BOLL: variants seen among roughly 807,000 people sequenced by gnomAD.
BOLL encodes protein boule-like.
BOLL carries 23 observed loss-of-function variants against 44.4 expected under a neutral mutation model. The ratio of observed to expected loss-of-function variants is 0.52; its 90% CI spans 0.37 to 0.73. The LOEUF is 0.73. BOLL is among the 30% of genes least tolerant of loss of function. The probability of loss-of-function intolerance (pLI) is 0.00; values close to 1 mark genes in which losing one functional copy is unlikely to be tolerated. For missense variants in BOLL, 287 were observed against 338.3 expected (o/e 0.85, Z 1.19); for synonymous variants, 97 against 110.8 (o/e 0.88, Z 0.78).
intron 9 of BOLL, among the ~76,000 whole-genome samples, chr2:197,749,524 T>C (rs561143947): frequency 6.6e-6 from 1 of 151,776 alleles, no homozygotes; most frequent in South Asian, 2.1e-4. Flanking sequence ...GAATAGCTAG[T>C]TTAGAGAAAA....
intron 6 of BOLL, 128 bp from the exon 7 acceptor site, chr2:197,766,731 C>T: frequency 1.5e-6 from 1 of 652,598 alleles, no homozygotes; most frequent in Non-Finnish European, 2.7e-6. Flanking sequence ...ATTTTTCTAC[C>T]TCTTATTGAT....
At position 197,743,057 on chromosome 2, in the gene BOLL, T is replaced by C; in HGVS notation, c.828+4A>G. 2 of 1,552,796 alleles carry C rather than the reference T, an allele frequency of 1.3e-6. No individual in the cohort carries two copies. The highest frequency in any genetic ancestry group is 1.7e-6 in the Non-Finnish European group (2 of 1,150,782). The stretch of plus-strand genomic sequence containing the variant: ...AAAGTAAAAAGTCAAAACAAATTTC[T>C]TACTTTAATTGGCTCAGGCTGCATC... On this transcript the variant is annotated splice_donor_region_variant and intron_variant, in intron 10 of 10. Transcript: ENST00000392296.
chr2:197,758,334 G>T (rs552302098), intron 7 of BOLL, among the ~76,000 whole-genome samples: 1 of 152,310 alleles, frequency 6.6e-6, no homozygotes, highest in Admixed American at 6.5e-5. Flanking sequence ...ACGAAGTACT[G>T]AGATATGTCA....
chr2:197,777,305 T>G (rs529472378), intron 3 of BOLL, among the ~76,000 whole-genome samples, 192 bp from the exon 4 acceptor site: 1 of 151,700 alleles, frequency 6.6e-6, no homozygotes, highest in East Asian at 1.9e-4. Context: ...AGTCAGGAAC[T>G]AAAAGAAAAA....
chr2:197,741,711 A>T (rs1360144441), intron 10 of BOLL, among the ~76,000 whole-genome samples: 19 of 152,048 alleles, frequency 1.2e-4, no homozygotes, highest in Admixed American at 5.2e-4. Context: ...TAAAAACCCT[A>T]GAAGAAAACC....
intron 9 of BOLL, among the ~76,000 whole-genome samples, chr2:197,746,615 G>A (rs1474593819): frequency 6.6e-6 from 1 of 152,164 alleles, no homozygotes; most frequent in African/African-American, 2.4e-5. Flanking sequence ...CATAGAAGCA[G>A]AGAGGGCCAG....
At chr2:197,748,361 C>T (rs745486831) in intron 9 of BOLL, among the ~76,000 whole-genome samples, 1 of 152,182 alleles carries the variant, frequency 6.6e-6, no homozygotes, top group African/African-American at 2.4e-5. Flanking sequence ...ACCCCAGTGG[C>T]ACCTGGAACT....
chr2:197,762,965 C>A (rs1278343256), intron 7 of BOLL, among the ~76,000 whole-genome samples: 1 of 151,650 alleles, frequency 6.6e-6, no homozygotes, highest in African/African-American at 2.4e-5. Context: ...AAGATAAAAT[C>A]GACAAACCAT....
chr2:197,771,567 A>G (rs1689262631), intron 6 of BOLL, among the ~76,000 whole-genome samples: 1 of 152,140 alleles, frequency 6.6e-6, no homozygotes, highest in Non-Finnish European at 1.5e-5. Context: ...ATGAATACAT[A>G]TATTTGTAGT....
At chr2:197,732,405 T>C (rs1201100758) in intron 10 of BOLL, among the ~76,000 whole-genome samples, 1 of 152,200 alleles carries the variant, frequency 6.6e-6, no homozygotes, top group Non-Finnish European at 1.5e-5. Context: ...GTACCATTCC[T>C]TCTGAAACTA....
intron 9 of BOLL, among the ~76,000 whole-genome samples, chr2:197,746,825 G>C (rs189775821): frequency 6.6e-6 from 1 of 151,112 alleles, no homozygotes; most frequent in African/African-American, 2.4e-5. Context: ...GCTTGAACCC[G>C]GGAGGCAGAG....
chr2:197,739,093 A>G (rs1212082141), intron 10 of BOLL, among the ~76,000 whole-genome samples: 3 of 152,164 alleles, frequency 2.0e-5, no homozygotes, highest in African/African-American at 7.2e-5. Context: ...ATTGAGGGCC[A>G]CTAAGTCACC....
intron 6 of BOLL, among the ~76,000 whole-genome samples, chr2:197,771,501 A>T (rs1425658175): frequency 6.6e-6 from 1 of 152,194 alleles, no homozygotes; most frequent in African/African-American, 2.4e-5. Context: ...TATATAAAAA[A>T]AAGAAATGCA....
intron 4 of BOLL, 52 bp downstream of exon 4, chr2:197,777,006 GT>G: frequency 7.2e-7 from 1 of 1,382,818 alleles, no homozygotes; most frequent in Non-Finnish European, 1.0e-6. Flanking sequence ...GAAAAGATTA[GT>G]TTCAAATACA....
At chr2:197,748,071 TAGAC>T (rs910172041) in intron 9 of BOLL, among the ~76,000 whole-genome samples, 1 of 152,086 alleles carries the variant, frequency 6.6e-6, no homozygotes, top group Non-Finnish European at 1.5e-5. Flanking sequence ...TGGGACTGGT[TAGAC>T]AGTGGGTGCA....
intron 7 of BOLL, among the ~76,000 whole-genome samples, chr2:197,766,297 T>C (rs960564644): frequency 6.6e-6 from 1 of 152,134 alleles, no homozygotes; most frequent in African/African-American, 2.4e-5. Flanking sequence ...CAACCAACAG[T>C]GTATAAGTGT....
chr2:197,744,874 G>A (rs561479333), intron 9 of BOLL, among the ~76,000 whole-genome samples: 1 of 152,310 alleles, frequency 6.6e-6, no homozygotes, highest in South Asian at 2.1e-4. Context: ...CTGTAAACCA[G>A]TGGAGAGAAG....
At chr2:197,753,541 A>G (rs1688363521) in intron 9 of BOLL, among the ~76,000 whole-genome samples, 1 of 151,984 alleles carries the variant, frequency 6.6e-6, no homozygotes, top group South Asian at 2.1e-4. Flanking sequence ...AAAAAAGCTC[A>G]TCATCACTGG....
chr2:197,755,529 G>A (rs1688470006), intron 9 of BOLL, among the ~76,000 whole-genome samples: 1 of 152,214 alleles, frequency 6.6e-6, no homozygotes, highest in Non-Finnish European at 1.5e-5. Flanking sequence ...TAAAGAAAAT[G>A]TGGTACATAT....
Sources: gnomAD v4.1 joint callset for allele counts (sites outside exome capture counted in the v4.1 genomes callset) on GRCh38, gnomAD v4.1.1 for gene constraint, MANE v1.5 for transcripts, NCBI Gene and HGNC (gene_info 2026-07-23, HGNC 2026-07-21) for gene names.